SHCBP1: variants seen among roughly 807,000 people sequenced by gnomAD.
SHCBP1 encodes the protein SHC binding and spindle associated 1, also known as SHC SH2 domain-binding protein 1.
A neutral mutation model predicts 75.1 loss-of-function variants in SHCBP1; 60 were observed. The observed-to-expected ratio is 0.80, with a 90% CI of 0.65 to 0.99. The LOEUF (loss-of-function observed/expected upper bound fraction) is 0.99, where lower values mean the gene tolerates loss of function less well. SHCBP1 is among the 50% of genes least tolerant of loss of function. SHCBP1 has a pLI of 0.00. For synonymous variants in SHCBP1, 290 were observed against 293.2 expected (o/e 0.99, Z 0.11); for missense variants, 709 against 809.4 (o/e 0.88, Z 1.50).
intron 4 of SHCBP1, among the ~76,000 whole-genome samples, chr16:46,609,505 G>C (rs1272523353): frequency 1.6e-5 from 2 of 128,962 alleles, no homozygotes; most frequent in African/African-American, 5.9e-5. Context: ...AGGCTGGAGT[G>C]CAGTGGCGCC....
intron 4 of SHCBP1, among the ~76,000 whole-genome samples, 167 bp downstream of exon 4, chr16:46,615,779 A>G (rs1208760451): frequency 1.3e-5 from 2 of 152,068 alleles, no homozygotes; most frequent in African/African-American, 4.8e-5. Flanking sequence ...AACATTTTTA[A>G]TTTTTTTTAA....
intron 10 of SHCBP1, among the ~76,000 whole-genome samples, chr16:46,594,787 T>C (rs1965109040): frequency 6.6e-6 from 1 of 152,102 alleles, no homozygotes; most frequent in Non-Finnish European, 1.5e-5. Flanking sequence ...CAAAAACCTG[T>C]ACCCGAACGT....
chr16:46,605,183 T>C (rs1455126938), intron 5 of SHCBP1, among the ~76,000 whole-genome samples: 6 of 152,230 alleles, frequency 3.9e-5, no homozygotes, highest in Non-Finnish European at 7.3e-5. Context: ...AATGTATTAA[T>C]TTATAAACTT....
intron 5 of SHCBP1, among the ~76,000 whole-genome samples, chr16:46,605,087 C>G (rs918069770): frequency 6.6e-6 from 1 of 151,746 alleles, no homozygotes; most frequent in Admixed American, 6.6e-5. Context: ...CTTGAGATTC[C>G]GAGGGGGAAA....
chr16:46,600,054 T>C lies in SHCBP1; in HGVS notation c.1214-92A>G, dbSNP rs953887653. The C allele has an allele frequency of 1.0e-4, 142 of 1,401,002 alleles. 1 individual carries two copies. Among genetic ancestry groups the C allele is most frequent in the South Asian group, 2.4e-4 (18 of 75,922 alleles). The allele number at this position is 1,401,002 out of a possible 1,614,324, so 86.8% of individuals were successfully genotyped here. On this transcript the variant is annotated intron_variant, in intron 8 of 12. Coordinates refer to ENST00000303383, the MANE Select transcript of SHCBP1 (RefSeq NM_024745.5). Reference sequence around the variant, plus strand: ...AACAAGTTTCTCTAGTTTAAATGACTGCAGATGATAATGAGACCAGTCAAC... The same window carrying C: ...AACAAGTTTCTCTAGTTTAAATGACCGCAGATGATAATGAGACCAGTCAAC...
intron 4 of SHCBP1, among the ~76,000 whole-genome samples, chr16:46,611,502 C>G (rs1453450575): frequency 1.3e-5 from 2 of 152,058 alleles, no homozygotes; most frequent in African/African-American, 2.4e-5. Flanking sequence ...CACTGTTTCA[C>G]CAAAAATTGG....
rs1172135184 is a variant in SHCBP1 at position 46,581,876 on chromosome 16, C to T, written c.1872G>A (p.Gln624=). 1 of 1,614,146 alleles carries T rather than the reference C, an allele frequency of 6.2e-7. No homozygotes were observed. Among genetic ancestry groups the T allele is most frequent in the South Asian group, 1.1e-5 (1 of 91,084 alleles). The change falls in exon 13 of 13, where the codon CAG becomes CAA. Residue 624 remains glutamine, a synonymous_variant. Coordinates refer to ENST00000303383, the MANE Select transcript of SHCBP1 (RefSeq NM_024745.5). ...ACCTTTTCTTCTTTATCTGGCCTTT[C>T]TGTGTGGAGGCAGCAATTAGTTCAT... ...IVNELIAAST[Q]KGQIKKKRLS...
At chr16:46,594,135 T>C (rs1173417344) in intron 10 of SHCBP1, among the ~76,000 whole-genome samples, 1 of 151,970 alleles carries the variant, frequency 6.6e-6, no homozygotes, top group East Asian at 1.9e-4. Context: ...TTATGTAAAA[T>C]ATAACGCTAT....
At chr16:46,583,721 T>G in intron 11 of SHCBP1, 64 bp from the exon 12 acceptor site, 1 of 1,545,470 alleles carries the variant, frequency 6.5e-7, no homozygotes. Context: ...CTTAAAAATC[T>G]TCTTTATTCA....
chr16:46,598,256 G>A (rs1465066265), intron 9 of SHCBP1, among the ~76,000 whole-genome samples: 2 of 152,122 alleles, frequency 1.3e-5, no homozygotes, highest in Non-Finnish European at 2.9e-5. Flanking sequence ...AGACCCATCG[G>A]AGGAATCACT....
intron 12 of SHCBP1, among the ~76,000 whole-genome samples, chr16:46,582,508 G>C (rs1318495359): frequency 1.3e-5 from 2 of 152,212 alleles, no homozygotes; most frequent in Non-Finnish European, 2.9e-5. Flanking sequence ...GAAATTCAGA[G>C]CATGAGAGAT....
At chr16:46,601,827 A>G (rs1252141363) in intron 8 of SHCBP1, among the ~76,000 whole-genome samples, 1 of 152,242 alleles carries the variant, frequency 6.6e-6, no homozygotes, top group East Asian at 1.9e-4. Context: ...TTTCCACTTA[A>G]AACATAAAAC....
intron 5 of SHCBP1, among the ~76,000 whole-genome samples, chr16:46,605,470 C>T (rs1965310749): frequency 6.6e-6 from 1 of 152,092 alleles, no homozygotes; most frequent in East Asian, 1.9e-4. Flanking sequence ...CACTTGTAGT[C>T]TCAGCTACTT....
At position 46,580,300 on chromosome 16, in the gene SHCBP1, A is replaced by T. The variant is rs1964850971; in HGVS notation, c.*1429T>A. ...AAACCTCCTTGCAACAAGATTTTTTAAAAGTAAAAATACCTTTCAATGATC... is the reference window on the plus strand; with the variant it reads ...AAACCTCCTTGCAACAAGATTTTTTTAAAGTAAAAATACCTTTCAATGATC... On this transcript the variant is annotated 3_prime_UTR_variant, in exon 13 of 13. Coordinates refer to ENST00000303383, the MANE Select transcript of SHCBP1 (RefSeq NM_024745.5). Among the ~76,000 whole-genome samples the T allele has an allele frequency of 6.6e-6, 1 of 152,190 alleles. No homozygotes were observed. Among genetic ancestry groups the T allele is most frequent in the Non-Finnish European group, 1.5e-5 (1 of 68,020 alleles).
At chr16:46,596,027 T>C (rs1204922547) in intron 9 of SHCBP1, among the ~76,000 whole-genome samples, 1 of 152,104 alleles carries the variant, frequency 6.6e-6, no homozygotes, top group African/African-American at 2.4e-5. Context: ...TACTCCCATG[T>C]GGAGATAACT....
At chr16:46,603,761 A>G in intron 7 of SHCBP1, 102 bp from the exon 8 acceptor site, 2 of 1,473,188 alleles carry the variant, frequency 1.4e-6, no homozygotes, top group African/African-American at 1.4e-5. Flanking sequence ...ATGGAAGCCA[A>G]AAACTGCATA....
intron 5 of SHCBP1, 116 bp downstream of exon 5, chr16:46,608,181 G>C (rs1465529716): frequency 1.1e-5 from 7 of 642,650 alleles, no homozygotes; most frequent in East Asian, 5.7e-5. Flanking sequence ...ATCAGAGAGA[G>C]AGAGTGAGTG....
rs192900683 is a variant in SHCBP1, at chr16:46,588,922, A to G, written c.1465-4833T>C. On this transcript the variant is annotated intron_variant, in intron 10 of 12. Coordinates refer to ENST00000303383, the MANE Select transcript of SHCBP1 (RefSeq NM_024745.5). ...ATGAACATCGATGCAAAAATCCTCA[A>G]TAAAATACTGGCAAACCGAATCCAG... Among the ~76,000 whole-genome samples the G allele has an allele frequency of 3.5e-3, 536 of 152,350 alleles. 2 individuals carry two copies. Among genetic ancestry groups the G allele is most frequent in the Non-Finnish European group, 5.7e-3 (387 of 68,032 alleles).
Position 46,603,559 on chromosome 16 carries a change from G to A in SHCBP1, c.1193C>T (p.Ala398Val). 6.2e-7 allele frequency: 1 copy of A among 1,614,168 alleles called. No homozygotes were observed. The highest frequency in any genetic ancestry group is 1.3e-5 in the African/African-American group (1 of 75,054). Residue 398 changes from alanine (A) to valine (V), a missense_variant, in exon 8 of 13, where the codon GCT becomes GTT. Coordinates refer to ENST00000303383, the MANE Select transcript of SHCBP1 (RefSeq NM_024745.5). ...CTCACCTTCCAACTCAATGGAGTCAGCAATGGAGAAAGTGCCATGTACCAC... is the reference window on the plus strand; with the variant it reads ...CTCACCTTCCAACTCAATGGAGTCAACAATGGAGAAAGTGCCATGTACCAC... ...HYVVHGTFSI[A>V]DSIELEGYGL...
Sources: allele counts gnomAD v4.1 joint callset (sites outside exome capture counted in the v4.1 genomes callset), GRCh38; gene constraint gnomAD v4.1.1; transcripts MANE v1.5; gene names NCBI Gene and HGNC (gene_info 2026-07-23, HGNC 2026-07-21).